VPS35: variants seen among roughly 807,000 people sequenced by gnomAD.
VPS35 encodes VPS35 retromer complex component, also known as vacuolar protein sorting-associated protein 35.
A neutral mutation model predicts 98.1 loss-of-function variants in VPS35; 21 were observed. The ratio of observed to expected loss-of-function variants is 0.21; its 90% CI spans 0.15 to 0.31. VPS35 has a LOEUF of 0.31. VPS35 is among the 10% of genes least tolerant of loss of function. The probability of loss-of-function intolerance (pLI) is 1.00; values close to 1 mark genes in which losing one functional copy is unlikely to be tolerated. For missense variants in VPS35, 554 were observed against 950.8 expected (o/e 0.58, Z 5.49); for synonymous variants, 268 against 318.2 (o/e 0.84, Z 1.68).
At chr16:46,672,613 T>C (rs939303487) in intron 10 of VPS35, 141 bp from the exon 11 acceptor site, 10 of 678,696 alleles carry the variant, frequency 1.5e-5, no homozygotes, top group African/African-American at 1.5e-4. Context: ...CACAGAAGAC[T>C]ATAACAACCT....
At position 46,689,164 on chromosome 16, in the gene VPS35, A is replaced by G; in HGVS notation, c.-31T>C. On this transcript the variant is annotated 5_prime_UTR_variant, in exon 1 of 17. Coordinates refer to ENST00000299138, the MANE Select transcript of VPS35 (RefSeq NM_018206.6). Reference sequence around the variant, plus strand: ...CTCCCCAGAGCCTGCAGCAAGCAGCACCCGCCCCGCGCGTAGCCTCCCGCG... The same window carrying G: ...CTCCCCAGAGCCTGCAGCAAGCAGCGCCCGCCCCGCGCGTAGCCTCCCGCG... The G allele has an allele frequency of 6.2e-7, 1 of 1,601,022 alleles. No individual in the cohort carries two copies. Among genetic ancestry groups the G allele is most frequent in the Non-Finnish European group, 8.5e-7 (1 of 1,175,186 alleles).
At chr16:46,683,070 T>A (rs1384795924) in intron 2 of VPS35, 3 of 169,808 alleles carry the variant, frequency 1.8e-5, no homozygotes, top group African/African-American at 7.2e-5. Context: ...GTTTTCAAGA[T>A]ATTTAGAAAA....
At chr16:46,687,677 A>C (rs1350975434) in intron 1 of VPS35, among the ~76,000 whole-genome samples, 2 of 152,236 alleles carry the variant, frequency 1.3e-5, no homozygotes, top group Non-Finnish European at 2.9e-5. Context: ...AGTCCGTGAC[A>C]CTGAAGGCAC....
At chr16:46,664,749 G>A (rs1345294600) in intron 13 of VPS35, among the ~76,000 whole-genome samples, 4 of 151,578 alleles carry the variant, frequency 2.6e-5, no homozygotes, top group African/African-American at 4.8e-5. Flanking sequence ...TCAAACTCCC[G>A]ACCTCAGGTG....
intron 13 of VPS35, among the ~76,000 whole-genome samples, chr16:46,664,470 G>C (rs963750757): frequency 1.3e-5 from 2 of 148,740 alleles, no homozygotes; most frequent in Non-Finnish European, 3.0e-5. Context: ...ATTTTCTTGA[G>C]AGTTAAAATC....
At chr16:46,672,535 T>G in intron 10 of VPS35, 63 bp from the exon 11 acceptor site, 1 of 1,442,612 alleles carries the variant, frequency 6.9e-7, no homozygotes, top group Non-Finnish European at 9.7e-7. Context: ...ACAAATAGCA[T>G]TTGTTCCATA....
intron 8 of VPS35, among the ~76,000 whole-genome samples, chr16:46,675,412 TTTCA>T (rs1966133776): frequency 6.6e-6 from 1 of 152,212 alleles, no homozygotes; most frequent in Non-Finnish European, 1.5e-5. Flanking sequence ...AAATAGTATG[TTTCA>T]TTATCATTAT....
At chr16:46,680,597 A>C in intron 5 of VPS35, 74 bp downstream of exon 5, 1 of 1,480,298 alleles carries the variant, frequency 6.8e-7, no homozygotes, top group Non-Finnish European at 9.3e-7. Context: ...TTGTTTCTGT[A>C]TATGTTTCCA....
chr16:46,677,260 A>T, intron 7 of VPS35, 55 bp downstream of exon 7: 1 of 1,526,154 alleles, frequency 6.6e-7, no homozygotes, highest in Non-Finnish European at 9.1e-7. Context: ...AAACAATTAA[A>T]TTTAATGAAA....
intron 11 of VPS35, 83 bp from the exon 12 acceptor site, chr16:46,671,943 A>G: frequency 6.4e-7 from 1 of 1,558,710 alleles, no homozygotes; most frequent in Non-Finnish European, 8.7e-7. Flanking sequence ...TCCAGTTATA[A>G]AATTACAATA....
intron 4 of VPS35, 47 bp downstream of exon 4, chr16:46,681,330 T>A: frequency 6.2e-7 from 1 of 1,611,288 alleles, no homozygotes; most frequent in African/African-American, 1.3e-5. Context: ...ACGTAACATA[T>A]AGTGAGAAAT....
At chr16:46,666,239 A>G (rs192992587) in intron 13 of VPS35, among the ~76,000 whole-genome samples, 66 of 150,798 alleles carry the variant, frequency 4.4e-4, no homozygotes, top group Non-Finnish European at 7.5e-4. Context: ...GACTATAGGC[A>G]TGTACCACCA....
rs1267607656 is a variant in VPS35, at chr16:46,662,385, C to T, written c.1925G>A (p.Ser642Asn). The part of the protein sequence containing the change: ...IGTFERMKCF[S>N]EENHEPLRTQ... The stretch of plus-strand genomic sequence containing the variant: ...CCTCAGAGGTTCGTGATTCTCTTCA[C>T]TGAAGCACTTCATCCTTTCAAAAGT... The change falls in exon 15 of 17, where the codon AGT (serine) becomes AAT (asparagine). Residue 642 changes from serine to asparagine, a missense_variant. Ser to Asn is a conservative substitution (Grantham distance 46). Coordinates refer to ENST00000299138, the MANE Select transcript of VPS35 (RefSeq NM_018206.6). 1 of 1,614,088 alleles carries T rather than the reference C, an allele frequency of 6.2e-7. No homozygotes were observed. Among genetic ancestry groups the T allele is most frequent in the Non-Finnish European group, 8.5e-7 (1 of 1,180,036 alleles).
chr16:46,671,815 G>A lies in VPS35; in HGVS notation c.1414C>T (p.Pro472Ser), dbSNP rs1186876352. ...TCAGGGTCTTCTACAGGTTGATCTG[G>A]CTGATCTTGAATCAACGTGGATACC... is the stretch of plus-strand genomic sequence containing the variant. ...NLVSTLIQDQPDQPVEDPDPE... is the reference protein window; with the variant it reads ...NLVSTLIQDQSDQPVEDPDPE... The change falls in exon 12 of 17, where the codon CCA becomes TCA. Residue 472 changes from proline to serine, a missense_variant. Around this residue, in one of 5 missense-constraint regions of VPS35, gnomAD observed 254 missense variants for 390.1 expected, o/e 0.65. Transcript: ENST00000299138. 6.2e-7 allele frequency: 1 copy of A among 1,613,616 alleles called. No individual in the cohort carries two copies. The highest frequency in any genetic ancestry group is 1.7e-5 in the Admixed American group (1 of 59,974).
chr16:46,662,866 G>A, intron 14 of VPS35, 117 bp downstream of exon 14: 1 of 1,117,280 alleles, frequency 9.0e-7, no homozygotes, highest in South Asian at 1.3e-5. Flanking sequence ...GTGGGAAGGT[G>A]GTAGTTACAC....
chr16:46,686,853 A>G (rs1181462442), intron 1 of VPS35, among the ~76,000 whole-genome samples: 2 of 152,216 alleles, frequency 1.3e-5, no homozygotes, highest in African/African-American at 2.4e-5. Flanking sequence ...GATTAGTCCC[A>G]TTTTAGCTTG....
At chr16:46,688,984 C>G in intron 1 of VPS35, 147 bp downstream of exon 1, 1 of 1,537,398 alleles carries the variant, frequency 6.5e-7, no homozygotes, top group Non-Finnish European at 8.8e-7. Flanking sequence ...CTCCTGCTGT[C>G]CCCTATCCCG....
intron 13 of VPS35, among the ~76,000 whole-genome samples, chr16:46,664,207 T>G (rs988089028): frequency 9.2e-5 from 14 of 152,076 alleles, no homozygotes; most frequent in African/African-American, 3.1e-4. Flanking sequence ...TGGTTTTCTT[T>G]TTTCTCTTTG....
rs1965877089 is a variant in VPS35 at position 46,659,650 on chromosome 16, T to A, written c.*822A>T. The A allele has an allele frequency of 1.3e-5, 2 of 152,024 alleles. No homozygotes were observed. Among genetic ancestry groups the A allele is most frequent in the South Asian group, 4.1e-4 (2 of 4,822 alleles). The allele number at this position is 152,024 out of a possible 1,614,324, so 9.4% of individuals were successfully genotyped here. On this transcript the variant is annotated 3_prime_UTR_variant, in exon 17 of 17. Transcript: ENST00000299138. ...AGTACTTTTTATCAATTAAAGATAG[T>A]ATGAAAGGGGAAAAAAAGCTCCAAA...
Sources: gnomAD v4.1 joint callset for allele counts (sites outside exome capture counted in the v4.1 genomes callset) on GRCh38, gnomAD v4.1.1 for gene constraint, gnomAD v4.1.1 regional missense constraint, MANE v1.5 for transcripts, NCBI Gene and HGNC (gene_info 2026-07-23, HGNC 2026-07-21) for gene names.